The following SCAPER variants were observed in gnomAD, a reference collection of about 807,000 sequenced individuals.
SCAPER encodes S phase cyclin A-associated protein in the endoplasmic reticulum.
SCAPER carries 98 observed loss-of-function variants against 182.2 expected under a neutral mutation model. The ratio of observed to expected loss-of-function variants is 0.54; its 90% confidence interval spans 0.46 to 0.64. SCAPER has a LOEUF of 0.64. Among genes scored for constraint, SCAPER ranks in the 30% least tolerant of loss-of-function variants. The pLI is 0.00. For missense variants in SCAPER, 1,432 were observed against 1,690.0 expected (o/e 0.85, Z 2.68); for synonymous variants, 605 against 564.6 (o/e 1.07, Z -1.01).
Position 76,525,932 on chromosome 15 carries a change from C to G in SCAPER, c.2839-20958G>C, listed in dbSNP as rs114000160. On this transcript the variant is annotated intron_variant, in intron 23 of 31. Transcript: ENST00000563290. The stretch of plus-strand genomic sequence containing the variant: ...CTGTTTTAAGTTCTTCAAGAAATCT[C>G]CAGACTGCTTTCCACAGTGGCTGGA... Among the ~76,000 whole-genome samples, 1,375 of 152,296 alleles carry G rather than the reference C, an allele frequency of 9.0e-3. 22 individuals are homozygous for G. The highest frequency in any genetic ancestry group is 0.032 in the African/African-American group (1,337 of 41,540).
At chr15:76,628,706 G>T (rs567524819) in intron 21 of SCAPER, among the ~76,000 whole-genome samples, 1 of 152,160 alleles carries the variant, frequency 6.6e-6, no homozygotes, top group Non-Finnish European at 1.5e-5. Context: ...TGGGTAGCGC[G>T]ATGTCTCCAG....
intron 25 of SCAPER, among the ~76,000 whole-genome samples, chr15:76,449,040 A>G (rs190147093): frequency 6.6e-6 from 1 of 152,356 alleles, no homozygotes; most frequent in African/African-American, 2.4e-5. Context: ...AAGCACACAC[A>G]GGAATGAAAA....
chr15:76,398,918 A>T (rs1002572665), intron 27 of SCAPER, among the ~76,000 whole-genome samples: 5 of 152,204 alleles, frequency 3.3e-5, no homozygotes, highest in Non-Finnish European at 4.4e-5. Flanking sequence ...GTAAATGATT[A>T]CTGATTAAGT....
At chr15:76,536,792 G>A (rs1357410626) in intron 23 of SCAPER, among the ~76,000 whole-genome samples, 4 of 152,190 alleles carry the variant, frequency 2.6e-5, no homozygotes, top group Non-Finnish European at 4.4e-5. Context: ...GTTTGCAGAT[G>A]ACATGATTCT....
intron 21 of SCAPER, among the ~76,000 whole-genome samples, chr15:76,657,317 T>C (rs1335101673): frequency 6.6e-6 from 1 of 152,028 alleles, no homozygotes; most frequent in African/African-American, 2.4e-5. Context: ...GATAAATTCC[T>C]GGAAACATAC....
At chr15:76,479,375 G>T (rs1350470394) in intron 24 of SCAPER, among the ~76,000 whole-genome samples, 1 of 152,098 alleles carries the variant, frequency 6.6e-6, no homozygotes, top group Non-Finnish European at 1.5e-5. Context: ...CAAACAGAAA[G>T]CACCAGATTT....
intron 9 of SCAPER, among the ~76,000 whole-genome samples, chr15:76,773,956 A>G (rs1333136225): frequency 6.6e-6 from 1 of 151,962 alleles, no homozygotes; most frequent in Non-Finnish European, 1.5e-5. Flanking sequence ...CTTAAAGTAT[A>G]AACTAGTTCA....
intron 11 of SCAPER, among the ~76,000 whole-genome samples, chr15:76,766,598 A>G (rs536236176): frequency 6.6e-6 from 1 of 152,274 alleles, no homozygotes; most frequent in South Asian, 2.1e-4. Context: ...TTGGCCTCCC[A>G]AAGTGCTGGG....
At chr15:76,863,862 C>A (rs2072064122) in intron 2 of SCAPER, among the ~76,000 whole-genome samples, 4 of 152,158 alleles carry the variant, frequency 2.6e-5, no homozygotes, top group Admixed American at 6.5e-5. Flanking sequence ...AGGGCAGTCA[C>A]TCTTAAAATC....
At chr15:76,798,432 T>C (rs1047679347) in intron 7 of SCAPER, among the ~76,000 whole-genome samples, 9 of 130,336 alleles carry the variant, frequency 6.9e-5, no homozygotes, top group African/African-American at 2.3e-4. Context: ...GCATCAAGAG[T>C]ACAAACGTGT....
chr15:76,880,695 C>A (rs1340824208), intron 2 of SCAPER, among the ~76,000 whole-genome samples: 2 of 151,088 alleles, frequency 1.3e-5, no homozygotes, highest in East Asian at 1.9e-4. Flanking sequence ...ATCTCTAACA[C>A]TCTAGGATAT....
At chr15:76,422,683 T>A (rs894479320) in intron 26 of SCAPER, among the ~76,000 whole-genome samples, 4 of 152,136 alleles carry the variant, frequency 2.6e-5, no homozygotes, top group Admixed American at 2.6e-4. Context: ...AGAGGGGGCA[T>A]CCCTGTCTTG....
At position 76,804,618 on chromosome 15, in the gene SCAPER, G is replaced by C. The variant is rs1322598414; in HGVS notation, c.409C>G (p.Leu137Val). The change falls in exon 6 of 32, where the codon CTG (leucine) becomes GTG (valine). Residue 137 changes from leucine to valine, a missense_variant. Leu to Val is a conservative substitution (Grantham distance 32). Transcript: ENST00000563290. ...TTGAAATCTCTTACATAGTTATCCA[G>C]CATCATTAGCACCTCCTAAAAGAAA... ...VVECKEVLMM[L>V]DNYVRDFKAL... The C allele has an allele frequency of 6.2e-7, 1 of 1,603,934 alleles. No individual in the cohort carries two copies. Among genetic ancestry groups the C allele is most frequent in the Non-Finnish European group, 8.5e-7 (1 of 1,175,564 alleles).
chr15:76,552,245 C>T (rs1295712715), intron 23 of SCAPER, among the ~76,000 whole-genome samples: 2 of 152,046 alleles, frequency 1.3e-5, no homozygotes, highest in African/African-American at 2.4e-5. Flanking sequence ...TGCGTCACTG[C>T]ACTCCCACCT....
At chr15:76,578,611 C>T (rs904869264) in intron 22 of SCAPER, among the ~76,000 whole-genome samples, 1 of 152,212 alleles carries the variant, frequency 6.6e-6, no homozygotes, top group African/African-American at 2.4e-5. Flanking sequence ...ACCACCAAGG[C>T]AGTACCTCTA....
At chr15:76,469,151 C>A (rs1190409584) in intron 25 of SCAPER, among the ~76,000 whole-genome samples, 2 of 152,168 alleles carry the variant, frequency 1.3e-5, no homozygotes, top group African/African-American at 4.8e-5. Context: ...TCTTCTTGTT[C>A]ATTCCCTCAC....
chr15:76,878,895 C>T (rs561698523), intron 2 of SCAPER, among the ~76,000 whole-genome samples: 361 of 152,026 alleles, frequency 2.4e-3, no homozygotes, highest in Non-Finnish European at 4.1e-3. Context: ...TCTAAATGGC[C>T]AATAATCAAA....
At chr15:76,375,301 C>T (rs185343032) in intron 29 of SCAPER, among the ~76,000 whole-genome samples, 8 of 146,660 alleles carry the variant, frequency 5.5e-5, no homozygotes, top group Non-Finnish European at 1.2e-4. Flanking sequence ...TGAAATCTTG[C>T]TCAGAAACCA....
At chr15:76,550,038 T>G (rs865948271) in intron 23 of SCAPER, among the ~76,000 whole-genome samples, 7 of 151,800 alleles carry the variant, frequency 4.6e-5, no homozygotes, top group Middle Eastern at 3.4e-3. Context: ...TGAAAGAAAA[T>G]AGATGCAAAC....
Sources: gnomAD v4.1 joint callset for allele counts (sites outside exome capture counted in the v4.1 genomes callset) on GRCh38, gnomAD v4.1.1 for gene constraint, MANE v1.5 for transcripts, NCBI Gene and HGNC (gene_info 2026-07-23, HGNC 2026-07-21) for gene names.